OPCML: variants seen among roughly 807,000 people sequenced by gnomAD.
OPCML encodes opioid binding protein/cell adhesion molecule like.
OPCML carries 13 observed loss-of-function variants against 37.8 expected under a neutral mutation model. That is an observed-to-expected ratio of 0.34 (90% CI 0.22 to 0.55). The LOEUF is 0.55. Ranked by LOEUF, OPCML falls within the 20% of genes least tolerant of loss-of-function variation. The probability of loss-of-function intolerance (pLI) is 0.91; values close to 1 mark genes in which losing one functional copy is unlikely to be tolerated. For missense variants in OPCML, 341 were observed against 435.6 expected, an observed-to-expected ratio of 0.78 and a Z score of 1.93; for synonymous variants, 176 against 168.8, an observed-to-expected ratio of 1.04 and a Z score of -0.33.
At chr11:132,523,753 G>A (rs570850594) in intron 4 of OPCML, among the ~76,000 whole-genome samples, 1 of 152,238 alleles carries the variant, frequency 6.6e-6, no homozygotes, top group Admixed American at 6.5e-5. Flanking sequence ...GAGGCTAAAT[G>A]GCATTCACTA....
chr11:132,744,569 G>A (rs1164762989), intron 2 of OPCML, among the ~76,000 whole-genome samples: 2 of 152,148 alleles, frequency 1.3e-5, no homozygotes, highest in East Asian at 1.9e-4. Context: ...TCATCTGTTC[G>A]GAAGACCCTT....
chr11:133,443,854 A>G (rs1174490756), intron 1 of OPCML, among the ~76,000 whole-genome samples: 3 of 152,092 alleles, frequency 2.0e-5, no homozygotes, highest in Admixed American at 6.6e-5. Flanking sequence ...GACTCCTGTA[A>G]TCCCAGAACA....
intron 1 of OPCML, among the ~76,000 whole-genome samples, chr11:133,321,303 C>A (rs934989860): frequency 6.6e-6 from 1 of 152,164 alleles, no homozygotes; most frequent in Non-Finnish European, 1.5e-5. Flanking sequence ...TCCGTAAGTA[C>A]CGCATTTACT....
At chr11:132,617,577 C>G (rs547741592) in intron 3 of OPCML, among the ~76,000 whole-genome samples, 1 of 152,238 alleles carries the variant, frequency 6.6e-6, no homozygotes. Flanking sequence ...GATACTGTCT[C>G]AGTCTTCTCA....
At chr11:133,164,316 G>A (rs1950181742) in intron 1 of OPCML, among the ~76,000 whole-genome samples, 1 of 152,186 alleles carries the variant, frequency 6.6e-6, no homozygotes, top group African/African-American at 2.4e-5. Flanking sequence ...AAACTATGAT[G>A]CCTCTCTTGC....
intron 4 of OPCML, among the ~76,000 whole-genome samples, chr11:132,447,311 T>A (rs911538242): frequency 2.0e-4 from 31 of 152,290 alleles, no homozygotes; most frequent in South Asian, 8.3e-4. Context: ...CTTTGTTTTC[T>A]TTTGAGACAG....
intron 3 of OPCML, among the ~76,000 whole-genome samples, chr11:132,563,698 T>C (rs1324094650): frequency 6.6e-6 from 1 of 152,186 alleles, no homozygotes; most frequent in Non-Finnish European, 1.5e-5. Flanking sequence ...AGTGTCCACA[T>C]ATCCTCTATG....
At chr11:133,280,392 G>A (rs1257278516) in intron 1 of OPCML, among the ~76,000 whole-genome samples, 1 of 152,174 alleles carries the variant, frequency 6.6e-6, no homozygotes, top group African/African-American at 2.4e-5. Flanking sequence ...CCTCTGGCAG[G>A]GGAGAAAGTG....
Position 133,035,511 on chromosome 11 carries a change from A to G in OPCML, c.62-92501T>C, listed in dbSNP as rs114477461. Among the ~76,000 whole-genome samples, 453 of 152,344 alleles carry G rather than the reference A, an allele frequency of 3.0e-3. 2 individuals carry two copies. The highest frequency in any genetic ancestry group is 0.01 in the African/African-American group (432 of 41,584). On this transcript the variant is annotated intron_variant, in intron 1 of 7. Transcript: ENST00000524381. ...AATTGAGCCAGAACAGATCTAGACT[A>G]AAGTATTTGGCTATTCTCATATTAT...
chr11:132,866,722 C>T (rs1591724654), intron 2 of OPCML, among the ~76,000 whole-genome samples: 2 of 152,248 alleles, frequency 1.3e-5, no homozygotes, highest in South Asian at 2.1e-4. Context: ...TATTATCTTA[C>T]AAGATATCAT....
In OPCML at chr11:133,088,834, C is replaced by T. The variant is rs115419961; in HGVS notation, c.62-145824G>A. 4.5e-3 allele frequency among the ~76,000 whole-genome samples: 680 copies of T among 152,222 alleles called. 11 individuals carry two copies. Among genetic ancestry groups the T allele is most frequent in the African/African-American group, 0.012 (490 of 41,530 alleles). On this transcript the variant is annotated intron_variant, in intron 1 of 7. Coordinates refer to ENST00000524381, the MANE Select transcript of OPCML (RefSeq NM_001012393.5). ...GGCAGGTTTGGCAGTGCTTCTAAAA[C>T]GGGGAGAATAAGTAATCATGTCCCC...
chr11:133,453,282 T>C (rs942237147), intron 1 of OPCML, among the ~76,000 whole-genome samples: 1 of 152,224 alleles, frequency 6.6e-6, no homozygotes, highest in African/African-American at 2.4e-5. Context: ...AGAATGAGGT[T>C]CTGTTCTAAA....
intron 1 of OPCML, among the ~76,000 whole-genome samples, chr11:133,198,029 C>T (rs1938607886): frequency 6.6e-6 from 1 of 152,138 alleles, no homozygotes; most frequent in African/African-American, 2.4e-5. Flanking sequence ...ACTCCTTCCC[C>T]TGTGTAAGGT....
At chr11:132,852,895 A>G (rs1305961949) in intron 2 of OPCML, among the ~76,000 whole-genome samples, 1 of 151,354 alleles carries the variant, frequency 6.6e-6, no homozygotes, top group East Asian at 2.0e-4. Context: ...AAAAATTTTA[A>G]AAGGTTGTTA....
At chr11:133,301,052 AG>A (rs1942763792) in intron 1 of OPCML, 1 of 152,216 alleles carries the variant, frequency 6.6e-6, no homozygotes, top group Non-Finnish European at 1.5e-5. Flanking sequence ...GGTAATTGTT[AG>A]AGTAGCCATA....
At chr11:133,163,239 G>A (rs1474409760) in intron 1 of OPCML, among the ~76,000 whole-genome samples, 3 of 152,208 alleles carry the variant, frequency 2.0e-5, no homozygotes, top group Non-Finnish European at 4.4e-5. Flanking sequence ...GGGGCAGCAT[G>A]TTACACCACA....
intron 1 of OPCML, among the ~76,000 whole-genome samples, chr11:133,327,751 G>A (rs557684096): frequency 4.9e-4 from 74 of 152,284 alleles, no homozygotes; most frequent in African/African-American, 1.7e-3. Flanking sequence ...TAGAATGACT[G>A]TTCAATGTTC....
rs1017359044 is a variant in OPCML, at chr11:132,733,326, T to C, written c.147-76007A>G. On this transcript the variant is annotated intron_variant, in intron 2 of 7. Coordinates refer to ENST00000524381, the MANE Select transcript of OPCML (RefSeq NM_001012393.5). ...ACAAAGGAGATAATTCATATAGCAA[T>C]GACCCATAGTAGATGAGCAAAAGAG... is the stretch of plus-strand genomic sequence containing the variant. Among the ~76,000 whole-genome samples the C allele has an allele frequency of 1.2e-4, 18 of 152,088 alleles. No homozygotes were observed. In the South Asian group the frequency reaches 3.7e-3, roughly 32 times the overall value.
At chr11:133,385,109 A>G (rs148288029) in intron 1 of OPCML, among the ~76,000 whole-genome samples, 2 of 152,162 alleles carry the variant, frequency 1.3e-5, no homozygotes. Flanking sequence ...GCTTGTCCTA[A>G]GAGGCAGTGA....
Sources: gnomAD v4.1 joint callset for allele counts (sites outside exome capture counted in the v4.1 genomes callset) on GRCh38, gnomAD v4.1.1 for gene constraint, MANE v1.5 for transcripts, NCBI Gene and HGNC (gene_info 2026-07-23, HGNC 2026-07-21) for gene names.